The following SLC41A2 variants were observed in gnomAD, a reference collection of about 807,000 sequenced individuals.
The protein encoded by SLC41A2 is SLC41A1-like 1.
In SLC41A2, 32 loss-of-function variants were observed where a neutral mutation model predicts 58.3. That is an observed-to-expected ratio of 0.55 (90% CI 0.41 to 0.74). The LOEUF (loss-of-function observed/expected upper bound fraction) is 0.74, where lower values mean the gene tolerates loss of function less well. Among genes scored for constraint, SLC41A2 ranks in the 30% least tolerant of loss-of-function variants. The pLI is 0.00. For synonymous variants in SLC41A2, 190 were observed against 235.0 expected (o/e 0.81, Z 1.75); for missense variants, 514 against 680.6 (o/e 0.76, Z 2.72).
intron 5 of SLC41A2, 42 bp from the exon 6 acceptor site, chr12:104,886,481 A>G (rs887361397): frequency 1.3e-6 from 2 of 1,593,130 alleles, no homozygotes; most frequent in African/African-American, 2.7e-5. Flanking sequence ...CTATGATTTA[A>G]AGAAAATCAA....
intron 3 of SLC41A2, among the ~76,000 whole-genome samples, chr12:104,903,544 A>C (rs537603444): frequency 2.6e-5 from 4 of 152,240 alleles, no homozygotes; most frequent in Non-Finnish European, 5.9e-5. Flanking sequence ...GTAGTTTTGG[A>C]GTGGGGCTGA....
intron 6 of SLC41A2, among the ~76,000 whole-genome samples, chr12:104,880,838 G>GT (rs1203180337): frequency 3.3e-5 from 5 of 152,194 alleles, no homozygotes; most frequent in Non-Finnish European, 5.9e-5. Context: ...CATAAAATGA[G>GT]TTAGGGAGGA....
chr12:104,843,792 A>C (rs1417186927), intron 10 of SLC41A2, among the ~76,000 whole-genome samples: 5 of 152,278 alleles, frequency 3.3e-5, no homozygotes, highest in Middle Eastern at 3.4e-3. Context: ...GATTTATATC[A>C]AAAGAACAAA....
At chr12:104,816,089 A>C (rs573126445) in intron 10 of SLC41A2, among the ~76,000 whole-genome samples, 1 of 152,290 alleles carries the variant, frequency 6.6e-6, no homozygotes, top group South Asian at 2.1e-4. Flanking sequence ...GGTAGAGTCA[A>C]ACCCAGGTCT....
At chr12:104,941,362 C>A (rs1421940790) in intron 1 of SLC41A2, among the ~76,000 whole-genome samples, 3 of 151,624 alleles carry the variant, frequency 2.0e-5, no homozygotes, top group Non-Finnish European at 4.4e-5. Context: ...TTTGTTTAAG[C>A]CTACAGAATA....
intron 6 of SLC41A2, among the ~76,000 whole-genome samples, chr12:104,868,760 T>G (rs972911689): frequency 6.6e-6 from 1 of 152,212 alleles, no homozygotes; most frequent in African/African-American, 2.4e-5. Flanking sequence ...AAATGGACTA[T>G]TACTTGGCCA....
At chr12:104,875,868 G>C (rs2044017634) in intron 6 of SLC41A2, among the ~76,000 whole-genome samples, 1 of 152,144 alleles carries the variant, frequency 6.6e-6, no homozygotes, top group African/African-American at 2.4e-5. Flanking sequence ...GGAAGATAAG[G>C]ATTGGTACTA....
upstream of SLC41A2, chr12:104,958,390 G>C (rs2048258142): frequency 6.7e-6 from 1 of 150,052 alleles, no homozygotes. Context: ...GGGGAAGCCC[G>C]GGCCTTGGTG....
At chr12:104,897,137 CTTTTTTCTTTTTTT>C (rs2045325383) in intron 3 of SLC41A2, among the ~76,000 whole-genome samples, 4 of 119,836 alleles carry the variant, frequency 3.3e-5, no homozygotes, top group African/African-American at 1.3e-4. Context: ...TGACACTTTT[CTTTTTTCTTTTTTT>C]TTTTTTTTTT....
At chr12:104,899,467 T>G (rs935486908) in intron 3 of SLC41A2, among the ~76,000 whole-genome samples, 4 of 152,180 alleles carry the variant, frequency 2.6e-5, no homozygotes, top group African/African-American at 9.7e-5. Flanking sequence ...GGCAGTTAAC[T>G]TGACTAGACT....
chr12:104,811,167 G>C (rs1461722845), intron 10 of SLC41A2, among the ~76,000 whole-genome samples: 2 of 152,150 alleles, frequency 1.3e-5, no homozygotes, highest in African/African-American at 2.4e-5. Flanking sequence ...GAGAAGACCA[G>C]TATCTTGGTG....
intron 9 of SLC41A2, among the ~76,000 whole-genome samples, chr12:104,845,417 G>GT (rs1189056134): frequency 2.0e-5 from 3 of 152,084 alleles, no homozygotes; most frequent in Non-Finnish European, 2.9e-5. Context: ...ATGTGCCTTT[G>GT]TTTTTTCATA....
chr12:104,907,082 T>G (rs1405416347), intron 3 of SLC41A2, among the ~76,000 whole-genome samples: 1 of 152,212 alleles, frequency 6.6e-6, no homozygotes, highest in East Asian at 1.9e-4. Context: ...ATGTATAGAC[T>G]AATGGATTCT....
intron 1 of SLC41A2, among the ~76,000 whole-genome samples, chr12:104,945,920 T>G (rs11112248): frequency 0.029 from 4,468 of 152,234 alleles, 191 homozygotes; most frequent in African/African-American, 0.1. Flanking sequence ...ATACACCAAG[T>G]CCATGGTGTA....
chr12:104,956,671 T>G (rs1434176233), intron 1 of SLC41A2, among the ~76,000 whole-genome samples: 2 of 150,894 alleles, frequency 1.3e-5, no homozygotes, highest in African/African-American at 4.9e-5. Context: ...AGACTGAGAG[T>G]CAGTCTCCAA....
intron 1 of SLC41A2, among the ~76,000 whole-genome samples, chr12:104,934,031 T>C (rs1417339612): frequency 6.6e-6 from 1 of 151,854 alleles, no homozygotes; most frequent in Non-Finnish European, 1.5e-5. Flanking sequence ...AATTCATCCA[T>C]GTAGCCCAAA....
chr12:104,928,089 C>T lies in SLC41A2; in HGVS notation c.439G>A (p.Val147Met). The T allele has an allele frequency of 6.2e-7, 1 of 1,614,186 alleles. No homozygotes were observed. Among genetic ancestry groups the T allele is most frequent in the Non-Finnish European group, 8.5e-7 (1 of 1,180,026 alleles). Residue 147 changes from valine (V) to methionine (M), a missense_variant, in exon 2 of 11, where the codon GTG (valine) becomes ATG (methionine). By Grantham distance (21) the Val-to-Met change is conservative (BLOSUM62 1). Transcript: ENST00000258538. ...GATTCCTTTGGTAATTTTGGGGTCA[C>T]TTCTACAATAGCATCTTCATCACCA... ...SDGDEDAIVE[V>M]TPKLPKESSG...
chr12:104,903,229 T>G (rs200230789), intron 3 of SLC41A2, among the ~76,000 whole-genome samples: 3 of 149,666 alleles, frequency 2.0e-5, no homozygotes, highest in Non-Finnish European at 4.4e-5. Context: ...CTTAGCCCCC[T>G]ATACCCATAT....
intron 10 of SLC41A2, among the ~76,000 whole-genome samples, chr12:104,822,043 C>T (rs1258132526): frequency 6.6e-6 from 1 of 151,876 alleles, no homozygotes; most frequent in Non-Finnish European, 1.5e-5. Flanking sequence ...CTAGAGACAG[C>T]TAATGTCACT....
Sources: allele counts gnomAD v4.1 joint callset (sites outside exome capture counted in the v4.1 genomes callset), GRCh38; gene constraint gnomAD v4.1.1; transcripts MANE v1.5; gene names NCBI Gene and HGNC (gene_info 2026-07-23, HGNC 2026-07-21).